The following TJP3 variants were observed in gnomAD, a reference collection of about 807,000 sequenced individuals.
TJP3 encodes tight junction protein ZO-3.
A neutral mutation model predicts 104.2 loss-of-function variants in TJP3; 85 were observed. That is an observed-to-expected ratio of 0.82 (90% CI 0.68 to 0.98). The LOEUF (loss-of-function observed/expected upper bound fraction) is 0.98, where lower values mean the gene tolerates loss of function less well. Ranked by LOEUF, TJP3 falls within the 50% of genes least tolerant of loss-of-function variation. The pLI, the probability that TJP3 is intolerant of heterozygous loss-of-function variation, is 0.00. For missense variants in TJP3, 1,367 were observed against 1,322.8 expected (o/e 1.03, Z -0.52); for synonymous variants, 550 against 550.6 (o/e 1.00, Z 0.02).
chr19:3,720,551 GT>G (rs1418682674), intron 1 of TJP3, among the ~76,000 whole-genome samples: 3 of 152,090 alleles, frequency 2.0e-5, no homozygotes, highest in African/African-American at 4.8e-5. Context: ...GGGAAGGGGT[GT>G]TTATGTGTAG....
intron 1 of TJP3, among the ~76,000 whole-genome samples, chr19:3,709,278 T>A (rs562387270): frequency 6.6e-6 from 1 of 152,236 alleles, no homozygotes; most frequent in African/African-American, 2.4e-5. Flanking sequence ...GTATTTTTAG[T>A]AGAGATGGGG....
chr19:3,718,493 G>C (rs866716265), intron 1 of TJP3, among the ~76,000 whole-genome samples: 7 of 150,644 alleles, frequency 4.6e-5, no homozygotes, highest in Non-Finnish European at 4.4e-5. Flanking sequence ...GGGGTGGACA[G>C]GGCCTCACTC....
At chr19:3,712,522 C>T (rs2145661289) in intron 1 of TJP3, among the ~76,000 whole-genome samples, 1 of 152,238 alleles carries the variant, frequency 6.6e-6, no homozygotes, top group Middle Eastern at 3.4e-3. Context: ...AAATACTGCT[C>T]AGGGTCAAAA....
In TJP3 at chr19:3,735,572, TC is replaced by T; in HGVS notation, c.997del (p.Arg333GlyfsTer8). The T allele has an allele frequency of 6.2e-7, 1 of 1,613,510 alleles. No individual in the cohort carries two copies. The highest frequency in any genetic ancestry group is 8.5e-7 in the Non-Finnish European group (1 of 1,179,930). On this transcript the variant is annotated frameshift_variant, in exon 9 of 21. Coordinates refer to ENST00000541714, the MANE Select transcript of TJP3 (RefSeq NM_001267560.2). LOFTEE classifies it high-confidence loss of function. The stretch of plus-strand genomic sequence containing the variant: ...CCAATCTGTTCCCCACCAGGGAGAG[TC>T]CCCGGCTTCGGCGGGAAAGTTCAGT... The part of the protein sequence containing the change: ...ASQTDSPVES[P>X]RLRRESSVDS...
intron 19 of TJP3, among the ~76,000 whole-genome samples, chr19:3,748,592 G>T (rs1484184339): frequency 8.2e-6 from 1 of 121,746 alleles, no homozygotes; most frequent in African/African-American, 3.2e-5. Context: ...TTTTGAGATG[G>T]AGTTTCGCTT....
At chr19:3,723,298 G>A (rs893372204) in intron 1 of TJP3, among the ~76,000 whole-genome samples, 25 of 152,156 alleles carry the variant, frequency 1.6e-4, no homozygotes, top group Non-Finnish European at 1.2e-4. Context: ...GGCTGGGGCT[G>A]TGAAGGATGA....
intron 1 of TJP3, 125 bp downstream of exon 1, chr19:3,708,686 G>A (rs1462402712): frequency 1.3e-5 from 2 of 152,004 alleles, no homozygotes; most frequent in African/African-American, 2.4e-5. Context: ...CCGGCTCCTC[G>A]GAAAGCAGGA....
chr19:3,720,620 T>G (rs943837641), intron 1 of TJP3, among the ~76,000 whole-genome samples: 2 of 143,994 alleles, frequency 1.4e-5, no homozygotes, highest in East Asian at 2.0e-4. Flanking sequence ...TGGGCGCAGG[T>G]TTTTTTTTTT....
chr19:3,709,057 T>C (rs929635944), intron 1 of TJP3, among the ~76,000 whole-genome samples: 4 of 152,166 alleles, frequency 2.6e-5, no homozygotes, highest in African/African-American at 9.7e-5. Context: ...CCCCTCACCC[T>C]GTTCTCACCG....
chr19:3,721,880 C>A, intron 1 of TJP3: 1 of 1,228,870 alleles, frequency 8.1e-7, no homozygotes, highest in Admixed American at 4.2e-5. Flanking sequence ...GCTGGAGAGC[C>A]CCCAGGTGGA....
At chr19:3,733,405 C>A (rs4239602) in intron 6 of TJP3, among the ~76,000 whole-genome samples, 63,283 of 152,070 alleles carry the variant, frequency 0.42, 13,866 homozygotes, top group Admixed American at 0.61. Context: ...ATCTGATACT[C>A]CCTCTTCTCC....
intron 7 of TJP3, 139 bp from the exon 8 acceptor site, chr19:3,734,188 C>A: frequency 9.9e-7 from 1 of 1,010,378 alleles, no homozygotes; most frequent in Non-Finnish European, 1.5e-6. Flanking sequence ...TGCCCAGCTC[C>A]AGAGCCGAAT....
chr19:3,724,696 C>G (rs907814586), intron 1 of TJP3, among the ~76,000 whole-genome samples: 9 of 152,092 alleles, frequency 5.9e-5, no homozygotes, highest in Non-Finnish European at 1.3e-4. Context: ...GCCACCATGC[C>G]CGGCTAATTT....
chr19:3,748,848 C>CTT lies in TJP3; in HGVS notation c.2610+794_2610+795dup, dbSNP rs71166925. ...ACAGGTGTGAGCCACTGCACCCGGC[C>CTT]TTTTTTTTTTTTTTTTTTTTTTTTT... On this transcript the variant is annotated intron_variant, in intron 19 of 20. Transcript: ENST00000541714. Among the ~76,000 whole-genome samples, 160 of 48,846 alleles carry CTT rather than the reference C, an allele frequency of 3.3e-3. 35 individuals carry two copies. The highest frequency in any genetic ancestry group is 4.8e-3 in the South Asian group (5 of 1,052). The allele number at this position is 48,846 out of a possible 152,430, so 32.0% of individuals were successfully genotyped here.
At position 3,728,659 on chromosome 19, in the gene TJP3, G is replaced by C. The variant is rs1462277940; in HGVS notation, c.104G>C (p.Gly35Ala). The change falls in exon 3 of 21, where the codon GGA becomes GCA. Residue 35 changes from glycine (G) to alanine (A), a missense_variant. Gly to Ala is a moderately conservative substitution (Grantham distance 60). Coordinates refer to ENST00000541714, the MANE Select transcript of TJP3 (RefSeq NM_001267560.2). ...TCTGGAGGCCGAGACCGGCCCGGTG[G>C]ATCCATGGTTGTATCTGACGTGGTA... ...AISGGRDRPG[G>A]SMVVSDVVPG... The C allele has an allele frequency of 3.1e-6, 5 of 1,613,694 alleles. No homozygotes were observed. Among genetic ancestry groups the C allele is most frequent in the Non-Finnish European group, 4.2e-6 (5 of 1,179,990 alleles).
At position 3,746,894 on chromosome 19, in the gene TJP3, G is replaced by A. The variant is rs1240830607; in HGVS notation, c.2322+18G>A. The A allele has an allele frequency of 7.0e-6, 11 of 1,576,872 alleles. No homozygotes were observed. Among genetic ancestry groups the A allele is most frequent in the Non-Finnish European group, 9.5e-6 (11 of 1,158,674 alleles). On this transcript the variant is annotated intron_variant, in intron 18 of 20. Coordinates refer to ENST00000541714, the MANE Select transcript of TJP3 (RefSeq NM_001267560.2). This position sits in a 1 kb window ranked among gnomAD's most constrained non-coding sequence, Gnocchi z 4.1. ...AAGATCAGGTACTGCCGCGGTGTGGGTGGGTCGGGCAGGGAGGCCCCACAG... is the reference window on the plus strand; with the variant it reads ...AAGATCAGGTACTGCCGCGGTGTGGATGGGTCGGGCAGGGAGGCCCCACAG...
Position 3,746,782 on chromosome 19 carries a change from T to C in TJP3, c.2228T>C (p.Ile743Thr), listed in dbSNP as rs1254663928. The C allele has an allele frequency of 1.2e-6, 2 of 1,608,916 alleles. No individual in the cohort carries two copies. Among genetic ancestry groups the C allele is most frequent in the African/African-American group, 2.7e-5 (2 of 74,852 alleles). Residue 743 changes from isoleucine to threonine, a missense_variant, in exon 18 of 21, where the codon ATC (isoleucine) becomes ACC (threonine). Physicochemically the swap from Ile to Thr is moderately conservative, Grantham distance 89. Coordinates refer to ENST00000541714, the MANE Select transcript of TJP3 (RefSeq NM_001267560.2). This position sits in a 1 kb window ranked among gnomAD's most constrained non-coding sequence, Gnocchi z 4.1. ...KHSSHLFTAT[I>T]PLNGTSDTWY... is the part of the protein sequence containing the mutation. ...TGACGTCCCCTCCCTGCAGCCACCATCCCTCTGAATGGCACGAGTGACACC... is the reference window on the plus strand; with the variant it reads ...TGACGTCCCCTCCCTGCAGCCACCACCCCTCTGAATGGCACGAGTGACACC...
At chr19:3,748,962 G>A (rs1295103244) in intron 19 of TJP3, among the ~76,000 whole-genome samples, 1 of 144,190 alleles carries the variant, frequency 6.9e-6, no homozygotes, top group African/African-American at 2.6e-5. Flanking sequence ...GTGTTCAAGC[G>A]TTTCTCCTCC....
chr19:3,716,079 T>TATATATATATATATATATATATA lies in TJP3; in HGVS notation c.-10+7518_-10+7519insATATATATATATATATATATATA, dbSNP rs1168293963. On this transcript the variant is annotated intron_variant, in intron 1 of 20. Transcript: ENST00000541714. ...CAGGCGTGAGCCACCACGCCCGACT[T>TATATATATATATATATATATATA]GTTTTATTTTTGAGATGGAGTCTTG... 3.2e-5 allele frequency among the ~76,000 whole-genome samples: 4 copies of TATATATATATATATATATATATA among 123,256 alleles called. 1 individual carries two copies. Among genetic ancestry groups the TATATATATATATATATATATATA allele is most frequent in the South Asian group, 3.1e-4 (1 of 3,230 alleles). 80.9% of individuals were successfully genotyped at this position (123,256 alleles called of 152,430 possible). A position where few individuals can be genotyped will look rare whatever the true frequency, so the allele number is the denominator to read the frequency against.
Sources: allele counts gnomAD v4.1 joint callset (sites outside exome capture counted in the v4.1 genomes callset), GRCh38; gene constraint gnomAD v4.1.1; non-coding constraint Gnocchi (gnomAD v3.1); transcripts MANE v1.5; gene names NCBI Gene and HGNC (gene_info 2026-07-23, HGNC 2026-07-21).